Variants in NPHS2 observed in about 807,000 individuals in gnomAD.
NPHS2 encodes the protein podocin.
Under a neutral mutation model 37.1 loss-of-function variants are expected in NPHS2, and 36 were observed. The observed-to-expected ratio is 0.97, with a 90% confidence interval of 0.74 to 1.28. NPHS2 has a LOEUF of 1.28. NPHS2 is among the 50% of genes most tolerant of loss of function. The pLI, the probability that NPHS2 is intolerant of heterozygous loss-of-function variation, is 0.00. For missense variants in NPHS2, 447 were observed against 488.1 expected (o/e 0.92, Z 0.79); for synonymous variants, 196 against 189.3 (o/e 1.04, Z -0.29).
chr1:179,572,603 G>A (rs1186829987), intron 1 of NPHS2, among the ~76,000 whole-genome samples: 1 of 152,136 alleles, frequency 6.6e-6, no homozygotes, highest in Admixed American at 6.5e-5. Context: ...TGATTTAAAT[G>A]TAAGAGTTAT....
chr1:179,573,990 C>T (rs78911938), intron 1 of NPHS2, among the ~76,000 whole-genome samples: 2,693 of 152,198 alleles, frequency 0.018, 90 homozygotes, highest in African/African-American at 0.062. Context: ...TCATTTCTCC[C>T]GTCTTAAGTA....
intron 4 of NPHS2, among the ~76,000 whole-genome samples, chr1:179,558,399 G>A (rs1296168361): frequency 6.6e-6 from 1 of 152,194 alleles, no homozygotes; most frequent in South Asian, 2.1e-4. Context: ...CTATCTTGTA[G>A]AATGTCAGAA....
At chr1:179,560,252 C>T (rs1238109069) in intron 3 of NPHS2, among the ~76,000 whole-genome samples, 1 of 152,144 alleles carries the variant, frequency 6.6e-6, no homozygotes, top group Admixed American at 6.5e-5. Context: ...TATCATGATA[C>T]CAGCTTTCTG....
Position 179,551,383 on chromosome 1 carries a change from G to T in NPHS2, c.942C>A (p.Gly314=). The change falls in exon 8 of 8, where the codon GGC becomes GGA. Residue 314 remains glycine (G), a synonymous_variant. Transcript: ENST00000367615. The part of the protein sequence containing the change: ...SLRMAAEILS[G]TPAAVQLRYL... Reference sequence around the variant, plus strand: ...ATCGAAGCTGAACGGCAGCAGGGGTGCCTGACAGAATCTCAGCTGCCATCC... The same window carrying T: ...ATCGAAGCTGAACGGCAGCAGGGGTTCCTGACAGAATCTCAGCTGCCATCC... The T allele has an allele frequency of 6.2e-7, 1 of 1,614,094 alleles. No individual in the cohort carries two copies. Among genetic ancestry groups the T allele is most frequent in the Admixed American group, 1.7e-5 (1 of 60,014 alleles).
chr1:179,570,516 C>G (rs1241360311), intron 1 of NPHS2, among the ~76,000 whole-genome samples: 1 of 152,234 alleles, frequency 6.6e-6, no homozygotes, highest in Admixed American at 6.5e-5. Flanking sequence ...TTAAGAATGC[C>G]TTTAAGCGGT....
intron 1 of NPHS2, among the ~76,000 whole-genome samples, chr1:179,573,574 G>A (rs528959915): frequency 1.3e-5 from 2 of 152,296 alleles, no homozygotes; most frequent in Admixed American, 6.5e-5. Context: ...CCTACTCTGG[G>A]AAATGCTGCT....
intron 3 of NPHS2, among the ~76,000 whole-genome samples, chr1:179,560,362 G>A (rs1402188179): frequency 6.6e-6 from 1 of 152,122 alleles, no homozygotes; most frequent in Non-Finnish European, 1.5e-5. Flanking sequence ...GAGCCCATTG[G>A]ATTCTGTGGG....
Position 179,557,111 on chromosome 1 carries a change from C to T in NPHS2, c.654G>A (p.Val218=). 6.2e-7 allele frequency: 1 copy of T among 1,614,044 alleles called. No individual in the cohort carries two copies. Among genetic ancestry groups the T allele is most frequent in the Non-Finnish European group, 8.5e-7 (1 of 1,179,988 alleles). ...CTAGGAGACGCTTCATAGTGGTTTG[C>T]ACAAGGAATTGCACAGCTTTAGATA... ...AHVSKAVQFL[V]QTTMKRLLAH... Residue 218 remains valine (V), a synonymous_variant, in exon 5 of 8, where the codon GTG becomes GTA. Coordinates refer to ENST00000367615, the MANE Select transcript of NPHS2 (RefSeq NM_014625.4).
Position 179,552,698 on chromosome 1 carries a change from G to A in NPHS2, c.795-17C>T, listed in dbSNP as rs373566126. 1.9e-6 allele frequency: 3 copies of A among 1,604,254 alleles called. No homozygotes were observed. Among genetic ancestry groups the A allele is most frequent in the Non-Finnish European group, 2.6e-6 (3 of 1,171,468 alleles). Reference sequence around the variant, plus strand: ...ACATCTTTACTGAAAAAGAAAGAATGCAGGTATGTAGGTGTGCAGCCATGA... The same window carrying A: ...ACATCTTTACTGAAAAAGAAAGAATACAGGTATGTAGGTGTGCAGCCATGA... On this transcript the variant is annotated splice_polypyrimidine_tract_variant and intron_variant, in intron 6 of 7. Transcript: ENST00000367615.
intron 1 of NPHS2, among the ~76,000 whole-genome samples, chr1:179,570,469 C>G (rs898705070): frequency 6.6e-6 from 1 of 152,246 alleles, no homozygotes; most frequent in Admixed American, 6.5e-5. Flanking sequence ...AGGAGAATGT[C>G]CTTAAGGCAC....
At chr1:179,557,612 T>G (rs930303295) in intron 4 of NPHS2, among the ~76,000 whole-genome samples, 3 of 152,216 alleles carry the variant, frequency 2.0e-5, no homozygotes, top group African/African-American at 7.2e-5. Context: ...GGGGATGCTT[T>G]GATGATATAC....
At chr1:179,565,891 G>A (rs1674317422) in intron 1 of NPHS2, among the ~76,000 whole-genome samples, 1 of 152,250 alleles carries the variant, frequency 6.6e-6, no homozygotes. Flanking sequence ...TCCCTACAAA[G>A]GACATGAACT....
chr1:179,553,757 C>G (rs1439411729), intron 6 of NPHS2, among the ~76,000 whole-genome samples: 1 of 151,894 alleles, frequency 6.6e-6, no homozygotes, highest in African/African-American at 2.4e-5. Flanking sequence ...TTCTTTTTTT[C>G]TTTCTTTGAG....
intron 1 of NPHS2, among the ~76,000 whole-genome samples, chr1:179,566,800 A>G (rs1272211978): frequency 1.3e-5 from 2 of 152,232 alleles, no homozygotes; most frequent in African/African-American, 4.8e-5. Flanking sequence ...CAGTTTTCCC[A>G]GCACGATTTA....
chr1:179,564,561 G>A (rs1674264099), intron 2 of NPHS2, 129 bp downstream of exon 2: 2 of 811,836 alleles, frequency 2.5e-6, no homozygotes, highest in Non-Finnish European at 2.1e-6. Flanking sequence ...TATCCTGGAA[G>A]GTGAGTCTGG....
chr1:179,555,190 G>A (rs534500837), intron 5 of NPHS2, among the ~76,000 whole-genome samples: 84 of 152,316 alleles, frequency 5.5e-4, no homozygotes, highest in Middle Eastern at 3.4e-3. Context: ...TTGGTTTTAA[G>A]CCACCATGTT....
rs189191815 is a variant in NPHS2 at position 179,563,326 on chromosome 1, A to C, written c.378+1364T>G. Among the ~76,000 whole-genome samples, 614 of 143,702 alleles carry C rather than the reference A, an allele frequency of 4.3e-3. 4 individuals are homozygous for C. Among genetic ancestry groups the C allele is most frequent in the African/African-American group, 0.014 (585 of 41,166 alleles). 94.3% of individuals were successfully genotyped at this position (143,702 alleles called of 152,430 possible). On this transcript the variant is annotated intron_variant, in intron 2 of 7. Coordinates refer to ENST00000367615, the MANE Select transcript of NPHS2 (RefSeq NM_014625.4). ...TAAAAACAGAGTTCCAAAATACATG[A>C]GGAAAAAGACAAAAATAATTCAAAG... is the stretch of plus-strand genomic sequence containing the variant.
chr1:179,564,647 G>A, intron 2 of NPHS2, 43 bp downstream of exon 2: 2 of 1,498,852 alleles, frequency 1.3e-6, no homozygotes, highest in Non-Finnish European at 1.9e-6. Flanking sequence ...TGGCCAGTGA[G>A]AGGCCTCAGG....
Position 179,575,798 on chromosome 1 carries a change from C to G in NPHS2, c.67G>C (p.Glu23Gln). 1.3e-6 allele frequency: 2 copies of G among 1,484,398 alleles called. No homozygotes were observed. Among genetic ancestry groups the G allele is most frequent in the Non-Finnish European group, 1.8e-6 (2 of 1,123,084 alleles). 92.0% of individuals were successfully genotyped at this position (1,484,398 alleles called of 1,614,324 possible). Reference protein sequence around the residue: ...RGRGGRTPHKENKRAKAERSG... With the variant: ...RGRGGRTPHKQNKRAKAERSG... ...CTCTCGGCCTTTGCCCTCTTGTTCT[C>G]CTTGTGCGGAGTCCTGCCGCCTCGC... Residue 23 changes from glutamate (E) to glutamine (Q), a missense_variant, in exon 1 of 8, where the codon GAG (glutamate) becomes CAG (glutamine). Glu to Gln is a conservative substitution (Grantham distance 29). Transcript: ENST00000367615.
Sources: allele counts gnomAD v4.1 joint callset (sites outside exome capture counted in the v4.1 genomes callset), GRCh38; gene constraint gnomAD v4.1.1; transcripts MANE v1.5; gene names NCBI Gene and HGNC (gene_info 2026-07-23, HGNC 2026-07-21).